HDAC8: variants seen among roughly 807,000 people sequenced by gnomAD.
HDAC8 encodes the protein histone deacetylase 8.
HDAC8 carries 1 observed loss-of-function variant against 32.2 expected under a neutral mutation model. The observed-to-expected ratio is 0.03, with a 90% CI of 0.01 to 0.15. HDAC8 has a LOEUF of 0.15. HDAC8 is among the 10% of genes least tolerant of loss of function. The probability of loss-of-function intolerance (pLI) is 1.00; values close to 1 mark genes in which losing one functional copy is unlikely to be tolerated. For missense variants in HDAC8, 117 were observed against 300.0 expected (o/e 0.39, Z 4.51); for synonymous variants, 108 against 113.9 (o/e 0.95, Z 0.33).
rs145914605 is a variant in HDAC8 at position 72,440,847 on chromosome X, G to A, written c.1005+21157C>T. 8.4e-3 allele frequency among the ~76,000 whole-genome samples: 942 copies of A among 112,555 alleles called. 14 individuals carry two copies. Among genetic ancestry groups the A allele is most frequent in the African/African-American group, 0.029 (889 of 31,017 alleles). On this transcript the variant is annotated intron_variant, in intron 9 of 10. Coordinates refer to ENST00000373573, the MANE Select transcript of HDAC8 (RefSeq NM_018486.3). ...TCCCACCCTAATACTGCGCTTTTCC[G>A]ATGGGCTTAAAAAACGGCGCACCAG...
At position 72,347,673 on chromosome X, in the gene HDAC8, T is replaced by A. The variant is rs781966609; in HGVS notation, c.1111+4060A>T. ...GGAGCTAGCCCTCCCTGGGGATTAA[T>A]CATATCAGCATTATTCCAACTCTGG... On this transcript the variant is annotated intron_variant, in intron 10 of 10. Coordinates refer to ENST00000373573, the MANE Select transcript of HDAC8 (RefSeq NM_018486.3). Among the ~76,000 whole-genome samples the A allele has an allele frequency of 9.8e-5, 11 of 111,934 alleles. No individual in the cohort carries two copies. The South Asian group carries it at 4.2e-3, about 42-fold the overall frequency.
intron 4 of HDAC8, among the ~76,000 whole-genome samples, chrX:72,556,830 G>A (rs1413936669): frequency 8.9e-6 from 1 of 112,011 alleles, no homozygotes; most frequent in Non-Finnish European, 1.9e-5. Flanking sequence ...TCCACTGACA[G>A]CACTAGACAG....
intron 4 of HDAC8, among the ~76,000 whole-genome samples, chrX:72,543,290 A>C (rs2050762539): frequency 9.0e-6 from 1 of 111,637 alleles, no homozygotes; most frequent in African/African-American, 3.3e-5. Flanking sequence ...TAGTGAGTTA[A>C]GAAATGCATT....
chrX:72,404,476 T>C (rs1323577382), intron 9 of HDAC8, among the ~76,000 whole-genome samples: 1 of 111,464 alleles, frequency 9.0e-6, no homozygotes, highest in African/African-American at 3.3e-5. Flanking sequence ...AAATTATTAA[T>C]ATCACCCACA....
At chrX:72,549,544 G>A (rs17312115) in intron 4 of HDAC8, among the ~76,000 whole-genome samples, 10,314 of 110,834 alleles carry the variant, frequency 0.093, 918 homozygotes, top group East Asian at 0.67. Flanking sequence ...ATTAGAATCC[G>A]CATTTAAACA....
At chrX:72,463,985 C>T (rs782569280) in intron 8 of HDAC8, among the ~76,000 whole-genome samples, 1 of 111,526 alleles carries the variant, frequency 9.0e-6, no homozygotes, top group Non-Finnish European at 1.9e-5. Context: ...TTGAATAGAC[C>T]GGGCTTTCTT....
At chrX:72,462,165 G>A in intron 8 of HDAC8, 67 bp from the exon 9 acceptor site, 1 of 832,037 alleles carries the variant, frequency 1.2e-6, no homozygotes, top group Admixed American at 2.4e-5. Context: ...GGGAAGGGGG[G>A]TAAGGAAAGA....
chrX:72,468,789 TATTC>T (rs1447222917), intron 7 of HDAC8, among the ~76,000 whole-genome samples: 20 of 112,380 alleles, frequency 1.8e-4, no homozygotes, highest in Non-Finnish European at 3.4e-4. Flanking sequence ...AGTGCTATAA[TATTC>T]ATTCATTCAT....
chrX:72,330,283 C>T (rs2043480286), intron 10 of HDAC8, among the ~76,000 whole-genome samples: 1 of 111,493 alleles, frequency 9.0e-6, no homozygotes, highest in African/African-American at 3.3e-5. Context: ...GTCACCCAGG[C>T]AACCACCAGC....
chrX:72,429,448 G>A (rs782371083), intron 9 of HDAC8, among the ~76,000 whole-genome samples: 6 of 111,858 alleles, frequency 5.4e-5, no homozygotes, highest in Non-Finnish European at 1.1e-4. Flanking sequence ...TAAAGCAGCC[G>A]GTAAATTCCC....
chrX:72,549,586 TG>T (rs2050994676), intron 4 of HDAC8, among the ~76,000 whole-genome samples: 1 of 111,535 alleles, frequency 9.0e-6, no homozygotes. Flanking sequence ...ACACATCAAA[TG>T]TAGAGAAGTC....
At chrX:72,398,972 G>A (rs1243302705) in intron 9 of HDAC8, among the ~76,000 whole-genome samples, 2 of 110,053 alleles carry the variant, frequency 1.8e-5, no homozygotes, top group Admixed American at 9.7e-5. Flanking sequence ...TGGCTCTTAC[G>A]TCTCAGGACA....
chrX:72,388,541 T>C, intron 9 of HDAC8, among the ~76,000 whole-genome samples: 1 of 108,708 alleles, frequency 9.2e-6, no homozygotes, highest in Non-Finnish European at 1.9e-5. Context: ...CTGGCCTTTC[T>C]AGTTCTCTTG....
At chrX:72,497,320 T>C (rs1201241503) in intron 4 of HDAC8, among the ~76,000 whole-genome samples, 3 of 111,872 alleles carry the variant, frequency 2.7e-5, no homozygotes, top group Non-Finnish European at 5.6e-5. Flanking sequence ...TCTGTTCTCA[T>C]TGGCTTATAG....
chrX:72,368,314 CCAAAGT>C (rs1288556659), intron 9 of HDAC8, among the ~76,000 whole-genome samples: 1 of 110,001 alleles, frequency 9.1e-6, no homozygotes, highest in Admixed American at 9.7e-5. Context: ...TGCTAACTCC[CCAAAGT>C]CAGAGTTCCT....
chrX:72,387,189 C>T (rs1160168329), intron 9 of HDAC8, among the ~76,000 whole-genome samples: 2 of 112,397 alleles, frequency 1.8e-5, no homozygotes, highest in African/African-American at 3.2e-5. Flanking sequence ...TTAGCTAAGC[C>T]TAGTTCCTTG....
chrX:72,429,810 A>G (rs996160062), intron 9 of HDAC8, among the ~76,000 whole-genome samples: 2 of 112,016 alleles, frequency 1.8e-5, no homozygotes, highest in Non-Finnish European at 3.8e-5. Flanking sequence ...GCAACGATTT[A>G]AGAACTCAAG....
chrX:72,488,241 T>C (rs782429501), intron 7 of HDAC8, among the ~76,000 whole-genome samples: 1 of 111,385 alleles, frequency 9.0e-6, no homozygotes, highest in Non-Finnish European at 1.9e-5. Context: ...CCCCGTTACT[T>C]ACCTTCAGTA....
At chrX:72,516,301 G>A (rs1319541204) in intron 4 of HDAC8, among the ~76,000 whole-genome samples, 1 of 111,616 alleles carries the variant, frequency 9.0e-6, no homozygotes, top group Non-Finnish European at 1.9e-5. Context: ...TAGCCAGAAA[G>A]AGCTTCTTTA....
Sources: allele counts gnomAD v4.1 joint callset (sites outside exome capture counted in the v4.1 genomes callset), GRCh38; gene constraint gnomAD v4.1.1; transcripts MANE v1.5; gene names NCBI Gene and HGNC (gene_info 2026-07-23, HGNC 2026-07-21).